The following GALNT13 variants were observed in gnomAD, a reference collection of about 807,000 sequenced individuals.
GALNT13 encodes UDP-GalNAc:polypeptide N-acetylgalactosaminyltransferase 13.
GALNT13 carries 28 observed loss-of-function variants against 64.2 expected under a neutral mutation model. The observed-to-expected ratio is 0.44, with a 90% CI of 0.32 to 0.60. The LOEUF (loss-of-function observed/expected upper bound fraction) is 0.60. Ranked by LOEUF, GALNT13 falls within the 20% of genes least tolerant of loss-of-function variation. The pLI, the probability that GALNT13 is intolerant of heterozygous loss-of-function variation, is 0.05. For synonymous variants in GALNT13, 214 were observed against 224.6 expected (o/e 0.95, Z 0.42); for missense variants, 577 against 669.8 (o/e 0.86, Z 1.53).
chr2:153,566,378 G>A, the GALNT13 span, among the ~76,000 whole-genome samples: 40 of 45,640 alleles, frequency 8.8e-4, no homozygotes, highest in Non-Finnish European at 1.2e-3. Context: ...TTTTTGAGAC[G>A]GAGTCTCGTT....
intron 8 of GALNT13, among the ~76,000 whole-genome samples, chr2:154,274,281 G>A (rs1026854037): frequency 1.3e-5 from 2 of 152,136 alleles, no homozygotes; most frequent in Non-Finnish European, 2.9e-5. Flanking sequence ...AGGAGGGAAC[G>A]ATTGCTGTGG....
At chr2:154,038,260 T>G (rs981399825) in intron 3 of GALNT13, among the ~76,000 whole-genome samples, 2 of 152,088 alleles carry the variant, frequency 1.3e-5, no homozygotes, top group Non-Finnish European at 2.9e-5. Context: ...TTTCACAGAA[T>G]TAGAAAAAAT....
chr2:154,388,795 A>G (rs1178281555), intron 9 of GALNT13, among the ~76,000 whole-genome samples: 1 of 152,194 alleles, frequency 6.6e-6, no homozygotes, highest in Admixed American at 6.5e-5. Flanking sequence ...TCCACTTTCT[A>G]TTTGGAATTT....
intron 9 of GALNT13, among the ~76,000 whole-genome samples, chr2:154,311,741 A>G (rs919454922): frequency 2.0e-5 from 3 of 152,194 alleles, no homozygotes; most frequent in South Asian, 2.1e-4. Context: ...AATCTCGACC[A>G]TAAGAGACAG....
At chr2:153,076,267 G>T in the GALNT13 span, among the ~76,000 whole-genome samples, 1 of 151,974 alleles carries the variant, frequency 6.6e-6, no homozygotes, top group Non-Finnish European at 1.5e-5. Context: ...CTTGCCAACG[G>T]TATATGCGAA....
chr2:154,254,078 C>A (rs1286126574), intron 7 of GALNT13, among the ~76,000 whole-genome samples: 1 of 151,970 alleles, frequency 6.6e-6, no homozygotes, highest in Non-Finnish European at 1.5e-5. Context: ...AGGCAGGCTG[C>A]CTAGAGTGTA....
At chr2:153,709,733 A>G in the GALNT13 span, among the ~76,000 whole-genome samples, 83 of 152,068 alleles carry the variant, frequency 5.5e-4, no homozygotes, top group African/African-American at 2.0e-3. Flanking sequence ...ATGTTATAAA[A>G]TCAACTTCAG....
At chr2:154,143,369 G>C (rs928576660) in intron 4 of GALNT13, among the ~76,000 whole-genome samples, 3 of 152,056 alleles carry the variant, frequency 2.0e-5, no homozygotes, top group African/African-American at 7.2e-5. Context: ...AACCTCTGCT[G>C]TAGTGTGATA....
intron 3 of GALNT13, among the ~76,000 whole-genome samples, chr2:153,985,311 C>G (rs1274492043): frequency 6.6e-6 from 1 of 151,966 alleles, no homozygotes; most frequent in Non-Finnish European, 1.5e-5. Flanking sequence ...TCCATTTCTC[C>G]TGAAGTCCAT....
the GALNT13 span, among the ~76,000 whole-genome samples, chr2:153,241,805 A>G: frequency 6.6e-6 from 1 of 151,850 alleles, no homozygotes; most frequent in African/African-American, 2.4e-5. Flanking sequence ...TCTCCCCCTT[A>G]TAGAAAGAAT....
At chr2:153,938,372 A>G (rs1482639858) in intron 2 of GALNT13, among the ~76,000 whole-genome samples, 2 of 152,206 alleles carry the variant, frequency 1.3e-5, no homozygotes, top group Non-Finnish European at 2.9e-5. Flanking sequence ...AGATGACAGT[A>G]TGAGGAAGTC....
At chr2:153,991,721 A>G (rs1304012276) in intron 3 of GALNT13, among the ~76,000 whole-genome samples, 1 of 152,170 alleles carries the variant, frequency 6.6e-6, no homozygotes, top group African/African-American at 2.4e-5. Flanking sequence ...TAAAGGGGAT[A>G]GGCTTGACTA....
At chr2:153,735,367 T>C in the GALNT13 span, among the ~76,000 whole-genome samples, 1 of 152,250 alleles carries the variant, frequency 6.6e-6, no homozygotes, top group South Asian at 2.1e-4. Flanking sequence ...ACATAGATTA[T>C]AGTGAGTGAC....
At chr2:153,311,458 C>A in the GALNT13 span, among the ~76,000 whole-genome samples, 2 of 152,176 alleles carry the variant, frequency 1.3e-5, no homozygotes, top group Non-Finnish European at 2.9e-5. Flanking sequence ...AAACAACAAA[C>A]GTTTATTATC....
At chr2:153,700,094 A>C in the GALNT13 span, among the ~76,000 whole-genome samples, 4 of 152,194 alleles carry the variant, frequency 2.6e-5, no homozygotes, top group Admixed American at 2.6e-4. Flanking sequence ...AAAAATCCTC[A>C]ATAAAATACG....
chr2:153,589,423 C>T, the GALNT13 span, among the ~76,000 whole-genome samples: 7 of 152,162 alleles, frequency 4.6e-5, no homozygotes, highest in Non-Finnish European at 8.8e-5. Flanking sequence ...CTGTCTTCTT[C>T]TGAGCCCTCC....
the GALNT13 span, among the ~76,000 whole-genome samples, chr2:153,356,789 CTTTTTTTTTTT>C: frequency 9.5e-6 from 1 of 104,904 alleles, no homozygotes; most frequent in Admixed American, 9.4e-5. Context: ...TCTTCTTCCT[CTTTTTTTTTTT>C]TTTTTTTTTT....
chr2:153,528,778 A>G, the GALNT13 span, among the ~76,000 whole-genome samples: 1 of 152,016 alleles, frequency 6.6e-6, no homozygotes, highest in Non-Finnish European at 1.5e-5. Flanking sequence ...AATGTTTGAA[A>G]CTATGCAAAT....
At chr2:153,218,832 G>T in the GALNT13 span, among the ~76,000 whole-genome samples, 1 of 152,212 alleles carries the variant, frequency 6.6e-6, no homozygotes, top group Admixed American at 6.5e-5. Context: ...CCCTTGGTAA[G>T]AAAGTGGTCA....
Sources: allele counts gnomAD v4.1 joint callset (sites outside exome capture counted in the v4.1 genomes callset), GRCh38; gene constraint gnomAD v4.1.1; transcripts MANE v1.5; gene names NCBI Gene and HGNC (gene_info 2026-07-23, HGNC 2026-07-21).